SLC30A10: variants seen among roughly 807,000 people sequenced by gnomAD.
The protein encoded by SLC30A10 is calcium/manganese antiporter SLC30A10.
A neutral mutation model predicts 21.7 loss-of-function variants in SLC30A10; 8 were observed. The observed-to-expected ratio is 0.37, with a 90% CI of 0.22 to 0.67. The LOEUF (loss-of-function observed/expected upper bound fraction) is 0.67. Ranked by LOEUF, SLC30A10 falls within the 30% of genes least tolerant of loss-of-function variation. SLC30A10 has a pLI of 0.58. For missense variants in SLC30A10, 521 were observed against 642.5 expected (o/e 0.81, Z 2.04); for synonymous variants, 272 against 279.4 (o/e 0.97, Z 0.26).
rs5781151 is a variant in SLC30A10, at chr1:219,912,854, CA to C, written c.*2594del. Among the ~76,000 whole-genome samples the C allele has an allele frequency of 6.6e-6, 1 of 150,872 alleles. No individual in the cohort carries two copies. Among genetic ancestry groups the C allele is most frequent in the African/African-American group, 2.4e-5 (1 of 40,970 alleles). On this transcript the variant is annotated 3_prime_UTR_variant, in exon 4 of 4. Transcript: ENST00000366926. ...GTCTCAAAGAAACAAACAAACAAAC[CA>C]AAAAAAAATTATGTCAGTTCTTTAA... is the stretch of plus-strand genomic sequence containing the variant.
upstream of SLC30A10, among the ~76,000 whole-genome samples, chr1:219,932,413 C>G (rs969341094): frequency 6.6e-6 from 1 of 152,052 alleles, no homozygotes. Flanking sequence ...TGGTATTTGA[C>G]CAGAAATTAA....
Position 219,928,365 on chromosome 1 carries a change from G to A in SLC30A10, c.76C>T (p.Leu26=), listed in dbSNP as rs774149422. The change falls in exon 1 of 4, where the codon CTG becomes TTG. Residue 26 remains leucine (L), a synonymous_variant. Coordinates refer to ENST00000366926, the MANE Select transcript of SLC30A10 (RefSeq NM_018713.3). The surrounding 1 kb of genome is among the most constrained non-coding windows in gnomAD (Gnocchi z 6.3). Reference sequence around the variant, plus strand: ...GAGTTGCCCAGGTAGCCGGAGACCAGCTCCGCCACGAAGAAGGCGACGGTG... The same window carrying A: ...GAGTTGCCCAGGTAGCCGGAGACCAACTCCGCCACGAAGAAGGCGACGGTG... ...VLTVAFFVAE[L]VSGYLGNSIA... 2 of 1,613,426 alleles carry A rather than the reference G, an allele frequency of 1.2e-6. No homozygotes were observed. The highest frequency in any genetic ancestry group is 2.2e-5 in the South Asian group (2 of 91,048).
chr1:219,927,923 G>A lies in SLC30A10; in HGVS notation c.518C>T (p.Ala173Val). 2 of 1,537,362 alleles carry A rather than the reference G, an allele frequency of 1.3e-6. No homozygotes were observed. Among genetic ancestry groups the A allele is most frequent in the Non-Finnish European group, 1.8e-6 (2 of 1,141,808 alleles). ...VPGAFGGPQG[A>V]EDPRRAADPT... Reference sequence around the variant, plus strand: ...GTCCGCCGCGCGCCGCGGGTCCTCCGCGCCCTGAGGCCCCCCGAAAGCGCC... The same window carrying A: ...GTCCGCCGCGCGCCGCGGGTCCTCCACGCCCTGAGGCCCCCCGAAAGCGCC... The change falls in exon 1 of 4, where the codon GCG becomes GTG. Residue 173 changes from alanine (A) to valine (V), a missense_variant. By Grantham distance (64) the Ala-to-Val change is moderately conservative. Transcript: ENST00000366926.
At chr1:219,952,178 C>A (rs1266202719) in intron 1 of SLC30A10, among the ~76,000 whole-genome samples, 4 of 152,086 alleles carry the variant, frequency 2.6e-5, no homozygotes, top group African/African-American at 9.7e-5. Context: ...ACAATCACTA[C>A]CAGCCACCAC....
rs1024590632 is a variant in SLC30A10 at position 219,953,319 on chromosome 1, G to A, written n.80+5249C>T. Reference sequence around the variant, plus strand: ...TAGTTTGAAAAGCCACCTTCAGGCCGGGCACGGTGGCTCATGCCTGTAATC... The same window carrying A: ...TAGTTTGAAAAGCCACCTTCAGGCCAGGCACGGTGGCTCATGCCTGTAATC... On this transcript the variant is annotated intron_variant and non_coding_transcript_variant, in intron 1 of 8. Transcript: ENST00000484239. Among the ~76,000 whole-genome samples, 9 of 152,228 alleles carry A rather than the reference G, an allele frequency of 5.9e-5. No individual in the cohort carries two copies. The South Asian group carries it at 8.3e-4, about 14-fold the overall frequency.
chr1:219,928,706 T>A, upstream of SLC30A10: 1 of 402,512 alleles, frequency 2.5e-6, no homozygotes, highest in Non-Finnish European at 4.3e-6. This position sits in a 1 kb window ranked among gnomAD's most constrained non-coding sequence, Gnocchi z 6.3. Flanking sequence ...CCTCGCGGCC[T>A]GGGCCTGACT....
At position 219,911,165 on chromosome 1, in the gene SLC30A10, T is replaced by TTTTTTTTTTG. The variant is rs1357549913; in HGVS notation, c.*4274_*4283dup. ...TCTACATCAGTTTTTTTTTTTTTTT[T>TTTTTTTTTTG]TTTTTTTTTGCAGTCTTTTACTACA... On this transcript the variant is annotated 3_prime_UTR_variant, in exon 4 of 4. Coordinates refer to ENST00000366926, the MANE Select transcript of SLC30A10 (RefSeq NM_018713.3). Among the ~76,000 whole-genome samples the TTTTTTTTTTG allele has an allele frequency of 3.4e-5, 5 of 145,398 alleles. No individual in the cohort carries two copies. The highest frequency in any genetic ancestry group is 7.6e-5 in the Non-Finnish European group (5 of 66,186).
At chr1:219,940,849 G>A (rs1660110583) in intron 1 of SLC30A10, among the ~76,000 whole-genome samples, 1 of 152,188 alleles carries the variant, frequency 6.6e-6, no homozygotes. Flanking sequence ...CCTTTCAAGT[G>A]AGACTATCTA....
intron 1 of SLC30A10, among the ~76,000 whole-genome samples, chr1:219,941,550 T>A (rs1172220597): frequency 1.1e-5 from 1 of 94,904 alleles, no homozygotes; most frequent in Non-Finnish European, 2.0e-5. Flanking sequence ...CCTTCCTTCT[T>A]TCCTTCCTTC....
At position 219,915,581 on chromosome 1, in the gene SLC30A10, A is replaced by G. The variant is rs1571788975; in HGVS notation, c.1326T>C (p.Ser442=). ...NGGPSLDTYG[S]DGLSRRDARE... ...TTGCGTCTCTTCTACTGAGGCCATC[A>G]CTTCCGTATGTGTCTAGAGAGGGCC... Residue 442 remains serine, a synonymous_variant, in exon 4 of 4, where the codon AGT becomes AGC. Transcript: ENST00000366926. 4.3e-6 allele frequency: 7 copies of G among 1,614,168 alleles called. No homozygotes were observed. The highest frequency in any genetic ancestry group is 3.3e-5 in the South Asian group (3 of 91,086).
chr1:219,915,414 C>A lies in SLC30A10; in HGVS notation c.*35G>T. 6.3e-7 allele frequency: 1 copy of A among 1,580,748 alleles called. No individual in the cohort carries two copies. Among genetic ancestry groups the A allele is most frequent in the Non-Finnish European group, 8.6e-7 (1 of 1,163,448 alleles). ...GAGCCAAGCTTGTGGTTCCAAAGTG[C>A]CTCGTCTATATGGTCTGATTATGTG... On this transcript the variant is annotated 3_prime_UTR_variant, in exon 4 of 4. Transcript: ENST00000366926.
chr1:219,949,123 G>A (rs1660232686), intron 1 of SLC30A10, among the ~76,000 whole-genome samples: 1 of 152,168 alleles, frequency 6.6e-6, no homozygotes, highest in Non-Finnish European at 1.5e-5. Context: ...GTGCTGGAGA[G>A]GATGTGGAGA....
intron 1 of SLC30A10, 110 bp from the exon 2 acceptor site, chr1:219,927,215 G>A: frequency 1.8e-6 from 2 of 1,130,562 alleles, no homozygotes; most frequent in Non-Finnish European, 2.6e-6. Context: ...ACTAGCTTAA[G>A]GGAGACCCTT....
rs1659602176 is a variant in SLC30A10 at position 219,918,563 on chromosome 1, G to A, written c.719-69C>T. Reference sequence around the variant, plus strand: ...AGCCACGTGACACTCACTGACTTGGGTGTCCGGGTATATGAATATCTGTTA... The same window carrying A: ...AGCCACGTGACACTCACTGACTTGGATGTCCGGGTATATGAATATCTGTTA... On this transcript the variant is annotated intron_variant, in intron 2 of 3. Transcript: ENST00000366926. The surrounding 1 kb of genome is among the most constrained non-coding windows in gnomAD (Gnocchi z 4.4). 4.0e-6 allele frequency: 6 copies of A among 1,514,084 alleles called. No homozygotes were observed. The Admixed American group carries it at 1.3e-4, about 33-fold the overall frequency. 93.8% of individuals were successfully genotyped at this position (1,514,084 alleles called of 1,614,324 possible).
At position 219,913,154 on chromosome 1, in the gene SLC30A10, A is replaced by T. The variant is rs1318871264; in HGVS notation, c.*2295T>A. On this transcript the variant is annotated 3_prime_UTR_variant, in exon 4 of 4. Coordinates refer to ENST00000366926, the MANE Select transcript of SLC30A10 (RefSeq NM_018713.3). ...TCACAGTGCCACAGGTGGCAAATGC[A>T]AGCCACTCAACCCAATACAAAATTA... Among the ~76,000 whole-genome samples, 1 of 152,262 alleles carries T rather than the reference A, an allele frequency of 6.6e-6. No individual in the cohort carries two copies. Among genetic ancestry groups the T allele is most frequent in the African/African-American group, 2.4e-5 (1 of 41,470 alleles).
chr1:219,914,690 A>C lies in SLC30A10; in HGVS notation c.*759T>G, dbSNP rs1380267073. The C allele has an allele frequency of 1.3e-5, 2 of 152,222 alleles. No homozygotes were observed. The highest frequency in any genetic ancestry group is 2.9e-5 in the Non-Finnish European group (2 of 68,040). 9.4% of individuals were successfully genotyped at this position (152,222 alleles called of 1,614,324 possible). Reference sequence around the variant, plus strand: ...TGACTCTAAAAGACAGTATATGAGTATTTGTGTCATACTTCAGGAAACTGA... The same window carrying C: ...TGACTCTAAAAGACAGTATATGAGTCTTTGTGTCATACTTCAGGAAACTGA... On this transcript the variant is annotated 3_prime_UTR_variant, in exon 4 of 4. Coordinates refer to ENST00000366926, the MANE Select transcript of SLC30A10 (RefSeq NM_018713.3).
intron 1 of SLC30A10, among the ~76,000 whole-genome samples, chr1:219,940,573 G>T (rs1498384): frequency 6.6e-6 from 1 of 152,058 alleles, no homozygotes; most frequent in Non-Finnish European, 1.5e-5. Flanking sequence ...CCGTACAAAG[G>T]GTCTATAAAG....
chr1:219,911,149 GTTTTTTTT>G lies in SLC30A10; in HGVS notation c.*4292_*4299del. Reference sequence around the variant, plus strand: ...ATGTTTCTTCATTTTTTCTACATCAGTTTTTTTTTTTTTTTTTTTTTTTTTGCAGTCTT... The same window carrying G: ...ATGTTTCTTCATTTTTTCTACATCAGTTTTTTTTTTTTTTTTTGCAGTCTT... On this transcript the variant is annotated 3_prime_UTR_variant, in exon 4 of 4. Coordinates refer to ENST00000366926, the MANE Select transcript of SLC30A10 (RefSeq NM_018713.3). Among the ~76,000 whole-genome samples, 9,669 of 49,870 alleles carry G rather than the reference GTTTTTTTT, an allele frequency of 0.19. 694 individuals carry two copies. Among genetic ancestry groups the G allele is most frequent in the South Asian group, 0.38 (396 of 1,048 alleles). 32.7% of individuals were successfully genotyped at this position (49,870 alleles called of 152,430 possible). A position where few individuals can be genotyped will look rare whatever the true frequency, so the allele number is the denominator to read the frequency against.
In SLC30A10 at chr1:219,915,894, C is replaced by T; in HGVS notation, c.1013G>A (p.Trp338Ter). 1 of 1,614,160 alleles carries T rather than the reference C, an allele frequency of 6.2e-7. No homozygotes were observed. Among genetic ancestry groups the T allele is most frequent in the Non-Finnish European group, 8.5e-7 (1 of 1,180,022 alleles). ...GISSVHEVHI[W>*]ELVSGKIIAT... Reference sequence around the variant, plus strand: ...AATAATCTTTCCACTTACAAGTTCCCAGATGTGCACTTCATGTACACTGCT... The same window carrying T: ...AATAATCTTTCCACTTACAAGTTCCTAGATGTGCACTTCATGTACACTGCT... Residue 338 changes from tryptophan (W) to a stop codon, truncating the protein, a stop_gained, in exon 4 of 4, where the codon TGG (tryptophan) becomes TAG (stop). Coordinates refer to ENST00000366926, the MANE Select transcript of SLC30A10 (RefSeq NM_018713.3). LOFTEE classifies it low-confidence loss of function (END_TRUNC).
Sources: allele counts gnomAD v4.1 joint callset (sites outside exome capture counted in the v4.1 genomes callset), GRCh38; gene constraint gnomAD v4.1.1; non-coding constraint Gnocchi (gnomAD v3.1); transcripts MANE v1.5; gene names NCBI Gene and HGNC (gene_info 2026-07-23, HGNC 2026-07-21).